PPP2R2A: variants seen among roughly 807,000 people sequenced by gnomAD.
The protein encoded by PPP2R2A is serine/threonine-protein phosphatase 2A 55 kDa regulatory subunit B alpha isoform.
Under a neutral mutation model 53.2 loss-of-function variants are expected in PPP2R2A, and 9 were observed. The ratio of observed to expected loss-of-function variants is 0.17; its 90% CI spans 0.10 to 0.30. The LOEUF is 0.30. PPP2R2A is among the 10% of genes least tolerant of loss of function. The pLI is 1.00. For synonymous variants in PPP2R2A, 169 were observed against 174.2 expected (o/e 0.97, Z 0.23); for missense variants, 235 against 534.6 (o/e 0.44, Z 5.53).
At chr8:26,368,660 A>G in intron 9 of PPP2R2A, among the ~76,000 whole-genome samples, 1 of 152,194 alleles carries the variant, frequency 6.6e-6, no homozygotes, top group East Asian at 1.9e-4. Context: ...AATTATCTGG[A>G]CATGGCAGCA....
At chr8:26,306,201 C>T (rs918552649) in intron 2 of PPP2R2A, among the ~76,000 whole-genome samples, 5 of 150,586 alleles carry the variant, frequency 3.3e-5, no homozygotes, top group Admixed American at 2.0e-4. Flanking sequence ...CTAGACTGGA[C>T]GTGGTGACTC....
At chr8:26,330,080 G>GT (rs1039050883) in intron 2 of PPP2R2A, among the ~76,000 whole-genome samples, 4 of 152,220 alleles carry the variant, frequency 2.6e-5, no homozygotes, top group African/African-American at 7.2e-5. Flanking sequence ...AGCACTTGAT[G>GT]TTATCCCACA....
chr8:26,354,308 C>T lies in PPP2R2A; in HGVS notation c.181-160C>T. On this transcript the variant is annotated intron_variant, in intron 3 of 9. Transcript: ENST00000380737. This position sits in a 1 kb window ranked among gnomAD's most constrained non-coding sequence, Gnocchi z 4.6. Reference sequence around the variant, plus strand: ...CCCCCGTTAAGTTTTCTCATTTAATCCTTGAAGGCCTTTAGAAATATAAAA... The same window carrying T: ...CCCCCGTTAAGTTTTCTCATTTAATTCTTGAAGGCCTTTAGAAATATAAAA... 1 of 460,222 alleles carries T rather than the reference C, an allele frequency of 2.2e-6. No homozygotes were observed. The allele number at this position is 460,222 out of a possible 1,614,324, so 28.5% of individuals were successfully genotyped here. A position where few individuals can be genotyped will look rare whatever the true frequency, so the allele number is the denominator to read the frequency against.
chr8:26,305,873 A>G (rs573610378), intron 2 of PPP2R2A, among the ~76,000 whole-genome samples: 11 of 152,312 alleles, frequency 7.2e-5, no homozygotes, highest in African/African-American at 2.6e-4. Context: ...TTAAATTTTA[A>G]AAAATCCCAT....
intron 6 of PPP2R2A, among the ~76,000 whole-genome samples, chr8:26,361,884 C>T (rs1002326737): frequency 4.0e-5 from 6 of 151,534 alleles, no homozygotes; most frequent in African/African-American, 1.5e-4. Flanking sequence ...TTGCTTGAAC[C>T]TGGGAGATAG....
At position 26,370,632 on chromosome 8, in the gene PPP2R2A, G is replaced by A; in HGVS notation, c.*219G>A. 1.7e-6 allele frequency: 1 copy of A among 584,156 alleles called. No individual in the cohort carries two copies. The highest frequency in any genetic ancestry group is 3.0e-6 in the Non-Finnish European group (1 of 333,548). 36.2% of individuals were successfully genotyped at this position (584,156 alleles called of 1,614,324 possible). On this transcript the variant is annotated 3_prime_UTR_variant, in exon 10 of 10. Coordinates refer to ENST00000380737, the MANE Select transcript of PPP2R2A (RefSeq NM_002717.4). This position sits in a 1 kb window ranked among gnomAD's most constrained non-coding sequence, Gnocchi z 6.1. The stretch of plus-strand genomic sequence containing the variant: ...TGCTAGCCATTTAGGTAAGGGTAGG[G>A]CACTTTTAATTTAAATGACTTCTTG...
chr8:26,310,439 C>G (rs1268730378), intron 2 of PPP2R2A, among the ~76,000 whole-genome samples: 2 of 149,998 alleles, frequency 1.3e-5, no homozygotes, highest in Admixed American at 6.7e-5. Flanking sequence ...AAACTGTTAT[C>G]AGACGTACAG....
intron 2 of PPP2R2A, among the ~76,000 whole-genome samples, chr8:26,297,618 TATC>T (rs1801599955): frequency 6.6e-6 from 1 of 152,246 alleles, no homozygotes; most frequent in Non-Finnish European, 1.5e-5. Context: ...CTCAGTCATT[TATC>T]ATTTCTGTGG....
At chr8:26,306,477 A>G (rs924154514) in intron 2 of PPP2R2A, among the ~76,000 whole-genome samples, 39 of 26,250 alleles carry the variant, frequency 1.5e-3, no homozygotes, top group South Asian at 3.0e-3. Flanking sequence ...CTCTGTCTGA[A>G]AAAAAAAAAA....
chr8:26,361,882 A>C (rs970160243), intron 6 of PPP2R2A, among the ~76,000 whole-genome samples: 3 of 151,238 alleles, frequency 2.0e-5, no homozygotes, highest in African/African-American at 7.3e-5. Context: ...AATTGCTTGA[A>C]CCTGGGAGAT....
At chr8:26,358,768 A>G (rs1804923658) in intron 4 of PPP2R2A, 1 of 245,076 alleles carries the variant, frequency 4.1e-6, no homozygotes, top group African/African-American at 2.2e-5. Flanking sequence ...TTAAATCAAC[A>G]TGCATGAGCC....
At position 26,318,211 on chromosome 8, in the gene PPP2R2A, C is replaced by G. The variant is rs955640624; in HGVS notation, c.83-20679C>G. Among the ~76,000 whole-genome samples the G allele has an allele frequency of 5.3e-5, 8 of 152,178 alleles. 1 individual carries two copies. Among genetic ancestry groups the G allele is most frequent in the Admixed American group, 5.2e-4 (8 of 15,286 alleles). On this transcript the variant is annotated intron_variant, in intron 2 of 9. Transcript: ENST00000380737. ...CTTTTACTCAGGACTTTGTTCATTC[C>G]TCTTTCCTTCCTCCTTCCAGTGTTA...
chr8:26,304,976 A>C (rs1228306762), intron 2 of PPP2R2A, among the ~76,000 whole-genome samples: 1 of 152,158 alleles, frequency 6.6e-6, no homozygotes. Context: ...TTTCAAATAC[A>C]CTGTTCAGTA....
chr8:26,331,462 A>G (rs1803374071), intron 2 of PPP2R2A, among the ~76,000 whole-genome samples: 1 of 152,082 alleles, frequency 6.6e-6, no homozygotes, highest in African/African-American at 2.4e-5. Flanking sequence ...ACACATTTTT[A>G]TTGGGTACTT....
intron 9 of PPP2R2A, among the ~76,000 whole-genome samples, chr8:26,368,969 G>C (rs1003830165): frequency 2.6e-5 from 4 of 151,742 alleles, no homozygotes; most frequent in African/African-American, 7.3e-5. Flanking sequence ...CTAGCCGGGC[G>C]TGGTGGCGGA....
chr8:26,305,278 A>G (rs913669048), intron 2 of PPP2R2A, among the ~76,000 whole-genome samples: 1 of 152,096 alleles, frequency 6.6e-6, no homozygotes, highest in Non-Finnish European at 1.5e-5. Flanking sequence ...CATTGTGTGT[A>G]TATATCCCTT....
chr8:26,363,789 G>A lies in PPP2R2A; in HGVS notation c.871G>A (p.Val291Ile), dbSNP rs1259097493. 4 of 1,608,302 alleles carry A rather than the reference G, an allele frequency of 2.5e-6. No individual in the cohort carries two copies. The highest frequency in any genetic ancestry group is 3.4e-6 in the Non-Finnish European group (4 of 1,175,934). The part of the protein sequence containing the change: ...FSEIISSISD[V>I]KFSHSGRYMM... ...CGAAATCATCTCCTCTATTTCGGAT[G>A]TAAAATTCAGCCATAGTGGTCGATA... Residue 291 changes from valine (V) to isoleucine (I), a missense_variant, in exon 8 of 10, where the codon GTA becomes ATA. Val to Ile is a conservative substitution (Grantham distance 29). Coordinates refer to ENST00000380737, the MANE Select transcript of PPP2R2A (RefSeq NM_002717.4).
intron 9 of PPP2R2A, 22 bp downstream of exon 9, chr8:26,366,428 A>G: frequency 6.7e-7 from 1 of 1,499,546 alleles, no homozygotes; most frequent in Non-Finnish European, 9.0e-7. Context: ...AAACCTCTCA[A>G]ATATGAATTT....
Position 26,338,843 on chromosome 8 carries a change from G to T in PPP2R2A, c.83-47G>T. Reference sequence around the variant, plus strand: ...CGCTAAGTTCTGAAACTAGTGAGTCGGGAAAGAAAAACTAATATCTTTTTT... The same window carrying T: ...CGCTAAGTTCTGAAACTAGTGAGTCTGGAAAGAAAAACTAATATCTTTTTT... On this transcript the variant is annotated intron_variant, in intron 2 of 9. Transcript: ENST00000380737. The surrounding 1 kb of genome is among the most constrained non-coding windows in gnomAD (Gnocchi z 4.5). 2 of 1,350,830 alleles carry T rather than the reference G, an allele frequency of 1.5e-6. No homozygotes were observed. The highest frequency in any genetic ancestry group is 2.4e-5 in the East Asian group (1 of 42,038). 83.7% of individuals were successfully genotyped at this position (1,350,830 alleles called of 1,614,324 possible). A position where few individuals can be genotyped will look rare whatever the true frequency, so the allele number is the denominator to read the frequency against.
Sources: allele counts gnomAD v4.1 joint callset (sites outside exome capture counted in the v4.1 genomes callset), GRCh38; gene constraint gnomAD v4.1.1; non-coding constraint Gnocchi (gnomAD v3.1); transcripts MANE v1.5; gene names NCBI Gene and HGNC (gene_info 2026-07-23, HGNC 2026-07-21).